The following CABIN1 variants were observed in gnomAD, a reference collection of about 807,000 sequenced individuals.
CABIN1 encodes calcineurin-binding protein cabin-1.
A neutral mutation model predicts 227.7 loss-of-function variants in CABIN1; 133 were observed. The ratio of observed to expected loss-of-function variants is 0.58; its 90% CI spans 0.51 to 0.67. The LOEUF (loss-of-function observed/expected upper bound fraction) is 0.67. Among genes scored for constraint, CABIN1 ranks in the 30% least tolerant of loss-of-function variants. CABIN1 has a pLI of 0.00. For missense variants in CABIN1, 2,408 were observed against 2,852.5 expected (o/e 0.84, Z 3.55); for synonymous variants, 1,086 against 1,155.1 (o/e 0.94, Z 1.21).
intron 29 of CABIN1, 136 bp downstream of exon 29, chr22:24,134,551 T>G (rs1602273369): frequency 1.4e-6 from 1 of 720,470 alleles, no homozygotes; most frequent in Middle Eastern, 2.4e-4. Flanking sequence ...GGCAGGGTGG[T>G]ACAGTCGAGA....
chr22:24,019,552 G>A (rs777804297), intron 1 of CABIN1, among the ~76,000 whole-genome samples: 2 of 151,770 alleles, frequency 1.3e-5, no homozygotes, highest in Non-Finnish European at 2.9e-5. Context: ...ACCATGCCCC[G>A]CCTGCTGAGT....
chr22:24,146,716 G>A (rs141761725), intron 29 of CABIN1, among the ~76,000 whole-genome samples: 98 of 152,360 alleles, frequency 6.4e-4, no homozygotes, highest in Middle Eastern at 3.4e-3. Flanking sequence ...TTAGACCATC[G>A]TTCCTGGTAT....
chr22:24,084,867 C>T (rs1245330915), intron 21 of CABIN1, 82 bp downstream of exon 21: 50 of 1,565,850 alleles, frequency 3.2e-5, no homozygotes, highest in Non-Finnish European at 4.3e-5. Context: ...TGCTCCTTTG[C>T]TTCTTTTTCT....
At chr22:24,123,134 C>G (rs2043518955) in intron 28 of CABIN1, among the ~76,000 whole-genome samples, 1 of 152,148 alleles carries the variant, frequency 6.6e-6, no homozygotes, top group African/African-American at 2.4e-5. Context: ...CCAGTTGACC[C>G]AGCCATCCCC....
intron 1 of CABIN1, among the ~76,000 whole-genome samples, chr22:24,012,802 C>G (rs2034924000): frequency 6.6e-6 from 1 of 152,080 alleles, no homozygotes; most frequent in Non-Finnish European, 1.5e-5. Context: ...GGTCTGTCGC[C>G]CAGGCTGGAG....
rs1336171869 is a variant in CABIN1, at chr22:24,166,760, C to T, written c.5129C>T (p.Pro1710Leu). ...GGCCTCCCCCAGCCGAAGAAGCCCC[C>T]TCTGGCTGATGGCTCAGGGCCAGGG... Reference protein sequence around the residue: ...QEGLPQPKKPPLADGSGPGPE... With the variant: ...QEGLPQPKKPLLADGSGPGPE... Residue 1710 changes from proline to leucine, a missense_variant, in exon 32 of 37, where the codon CCT (proline) becomes CTT (leucine). Physicochemically the swap from Pro to Leu is moderately conservative, Grantham distance 98. This residue lies in a region of CABIN1 where 714 missense variants were observed against 773.8 expected (regional missense o/e 0.92). Coordinates refer to ENST00000263119, the MANE Select transcript of CABIN1 (RefSeq NM_012295.4). The T allele has an allele frequency of 1.2e-6, 2 of 1,612,916 alleles. No homozygotes were observed. Among genetic ancestry groups the T allele is most frequent in the Admixed American group, 1.7e-5 (1 of 60,018 alleles).
intron 28 of CABIN1, among the ~76,000 whole-genome samples, chr22:24,129,860 G>C (rs1170281371): frequency 1.3e-5 from 2 of 152,226 alleles, no homozygotes; most frequent in Non-Finnish European, 2.9e-5. Context: ...GGGGTTGGAG[G>C]GTATGGGGGA....
At position 24,054,891 on chromosome 22, in the gene CABIN1, G is replaced by C. The variant is rs1293333237; in HGVS notation, c.825G>C (p.Glu275Asp). The C allele has an allele frequency of 3.7e-6, 6 of 1,614,060 alleles. No individual in the cohort carries two copies. The highest frequency in any genetic ancestry group is 5.1e-6 in the Non-Finnish European group (6 of 1,180,034). ...IPFFTWKCLG[E>D]SLLAMYNHLT... The stretch of plus-strand genomic sequence containing the variant: ...CCTTTAGCTGGAAGTGCCTCGGAGA[G>C]AGCTTGCTGGCCATGTACAATCATC... Residue 275 changes from glutamate to aspartate, a missense_variant, in exon 9 of 37, where the codon GAG becomes GAC. Physicochemically the swap from Glu to Asp is conservative, Grantham distance 45 (BLOSUM62 2). This residue lies in a region of CABIN1 where 1,045 missense variants were observed against 1,168.4 expected (regional missense o/e 0.89). Transcript: ENST00000263119.
chr22:24,019,124 T>G lies in CABIN1; in HGVS notation c.-75+7757T>G, dbSNP rs1251973731. 2.7e-4 allele frequency among the ~76,000 whole-genome samples: 34 copies of G among 123,672 alleles called. No homozygotes were observed. In the East Asian group the frequency reaches 6.3e-3, roughly 23 times the overall value. 81.1% of individuals were successfully genotyped at this position (123,672 alleles called of 152,430 possible). A position where few individuals can be genotyped will look rare whatever the true frequency, so the allele number is the denominator to read the frequency against. ...TGTGCAACTTCACTGAGTGTTGTTT[T>G]TTTTTTTTTTTTTTTTTTTTTTTTG... On this transcript the variant is annotated intron_variant, in intron 1 of 36. Transcript: ENST00000263119.
intron 29 of CABIN1, among the ~76,000 whole-genome samples, chr22:24,139,356 C>T (rs1170092664): frequency 6.6e-6 from 1 of 152,108 alleles, no homozygotes; most frequent in Non-Finnish European, 1.5e-5. Flanking sequence ...GGGTGGACCA[C>T]CTGAGGTCAG....
At chr22:24,105,903 G>A (rs747443741) in intron 26 of CABIN1, among the ~76,000 whole-genome samples, 4 of 152,200 alleles carry the variant, frequency 2.6e-5, no homozygotes, top group Non-Finnish European at 4.4e-5. Context: ...AGACCCAGCC[G>A]GTCCTCTGAG....
chr22:24,090,221 A>G (rs2041452527), intron 23 of CABIN1, among the ~76,000 whole-genome samples: 1 of 152,222 alleles, frequency 6.6e-6, no homozygotes, highest in Non-Finnish European at 1.5e-5. Flanking sequence ...ATGCCAGCCC[A>G]GATGGGCCAC....
rs184031665 is a variant in CABIN1 at position 24,071,180 on chromosome 22, T to C, written c.2475+138T>C. ...ATGATGGCTTCTTTGGTTGGAACTT[T>C]CGGGATCTGAGGAGGGGTTTGTGCG... On this transcript the variant is annotated intron_variant, in intron 17 of 36. Coordinates refer to ENST00000263119, the MANE Select transcript of CABIN1 (RefSeq NM_012295.4). 541 of 1,242,686 alleles carry C rather than the reference T, an allele frequency of 4.4e-4. 1 individual carries two copies. The highest frequency in any genetic ancestry group is 4.4e-4 in the Non-Finnish European group (383 of 874,586). 77.0% of individuals were successfully genotyped at this position (1,242,686 alleles called of 1,614,324 possible).
rs1294009814 is a variant in CABIN1 at position 24,064,051 on chromosome 22, C to A, written c.1901C>A (p.Ala634Asp). ...FLALQGDMEQ[A>D]LENYDICTEM... is the part of the protein sequence containing the mutation. ...TCTAACCAGGGAGACATGGAGCAGG[C>A]CCTGGAGAACTATGACATCTGCACA... The change falls in exon 15 of 37, where the codon GCC becomes GAC. Residue 634 changes from alanine (A) to aspartate (D), a missense_variant. Coordinates refer to ENST00000263119, the MANE Select transcript of CABIN1 (RefSeq NM_012295.4). 13 of 1,614,032 alleles carry A rather than the reference C, an allele frequency of 8.1e-6. No individual in the cohort carries two copies. Among genetic ancestry groups the A allele is most frequent in the Admixed American group, 1.7e-5 (1 of 60,006 alleles).
intron 19 of CABIN1, among the ~76,000 whole-genome samples, chr22:24,081,435 T>C (rs950285422): frequency 6.6e-6 from 1 of 152,274 alleles, no homozygotes; most frequent in Non-Finnish European, 1.5e-5. Context: ...TTTCTGCTTA[T>C]GCTTTAAAAA....
At chr22:24,091,403 C>T (rs773623644) in intron 23 of CABIN1, among the ~76,000 whole-genome samples, 180 bp from the exon 24 acceptor site, 1 of 152,088 alleles carries the variant, frequency 6.6e-6, no homozygotes, top group East Asian at 1.9e-4. Flanking sequence ...TTTGAGAAAC[C>T]CCTAGGCCTT....
intron 33 of CABIN1, chr22:24,170,088 G>T (rs1167141101): frequency 2.2e-6 from 1 of 454,822 alleles, no homozygotes; most frequent in Non-Finnish European, 4.4e-6. Flanking sequence ...TGGCAGGGAG[G>T]AGGCCCTAAT....
At chr22:24,098,247 G>C in intron 26 of CABIN1, 55 bp downstream of exon 26, 1 of 1,612,520 alleles carries the variant, frequency 6.2e-7, no homozygotes, top group South Asian at 1.1e-5. Flanking sequence ...AATCACGGGG[G>C]GGTGCTCGGA....
intron 6 of CABIN1, among the ~76,000 whole-genome samples, chr22:24,045,212 C>G (rs773056084): frequency 2.6e-5 from 4 of 152,248 alleles, no homozygotes; most frequent in Non-Finnish European, 5.9e-5. Flanking sequence ...GCGTGAGCCA[C>G]TGCGCCCAGC....
Sources: allele counts gnomAD v4.1 joint callset (sites outside exome capture counted in the v4.1 genomes callset), GRCh38; gene constraint gnomAD v4.1.1; regional missense constraint gnomAD v4.1.1; transcripts MANE v1.5; gene names NCBI Gene and HGNC (gene_info 2026-07-23, HGNC 2026-07-21).